The following COL23A1 variants were observed in gnomAD, a reference collection of about 807,000 sequenced individuals.
The protein encoded by COL23A1 is collagen type XXIII alpha 1 chain, also known as collagen alpha-1(XXIII) chain.
Under a neutral mutation model 99.3 loss-of-function variants are expected in COL23A1, and 97 were observed. The ratio of observed to expected loss-of-function variants is 0.98; its 90% CI spans 0.83 to 1.16. The LOEUF is 1.16. Ranked by LOEUF, COL23A1 falls within the 50% of genes most tolerant of loss-of-function variation. The probability of loss-of-function intolerance (pLI) is 0.00; values close to 1 mark genes in which losing one functional copy is unlikely to be tolerated. For missense variants in COL23A1, 762 were observed against 757.4 expected, an observed-to-expected ratio of 1.01 and a Z score of -0.07; for synonymous variants, 320 against 308.2, an observed-to-expected ratio of 1.04 and a Z score of -0.40.
chr5:178,482,909 A>C (rs1233166181), intron 2 of COL23A1, among the ~76,000 whole-genome samples: 1 of 152,004 alleles, frequency 6.6e-6, no homozygotes, highest in Non-Finnish European at 1.5e-5. Flanking sequence ...CTCAAAAAAA[A>C]AAGAAAAAAG....
chr5:178,426,842 G>T (rs1765965726), intron 2 of COL23A1, among the ~76,000 whole-genome samples: 1 of 152,222 alleles, frequency 6.6e-6, no homozygotes, highest in Non-Finnish European at 1.5e-5. Flanking sequence ...GAACATAGAT[G>T]ATGGCAAATA....
At chr5:178,352,104 T>G (rs1426203412) in intron 2 of COL23A1, 2 of 152,256 alleles carry the variant, frequency 1.3e-5, no homozygotes, top group African/African-American at 4.8e-5. Flanking sequence ...GGCCCTAAGC[T>G]AGATACTTTC....
intron 2 of COL23A1, among the ~76,000 whole-genome samples, chr5:178,328,205 T>A (rs544628057): frequency 1.8e-4 from 27 of 152,276 alleles, no homozygotes; most frequent in African/African-American, 6.3e-4. Context: ...CTTCCTGCCA[T>A]CCACTCCCAC....
chr5:178,497,208 C>T (rs1562024514), intron 2 of COL23A1, among the ~76,000 whole-genome samples: 1 of 152,158 alleles, frequency 6.6e-6, no homozygotes, highest in Non-Finnish European at 1.5e-5. Flanking sequence ...CTGTGCAGTG[C>T]CAGAGCAGCA....
At chr5:178,531,962 G>A (rs1581579754) in intron 2 of COL23A1, among the ~76,000 whole-genome samples, 3 of 152,344 alleles carry the variant, frequency 2.0e-5, no homozygotes, top group Admixed American at 2.0e-4. Flanking sequence ...TCAGAAGGGT[G>A]AGACATGACA....
At chr5:178,447,825 A>G (rs1282260934) in intron 2 of COL23A1, among the ~76,000 whole-genome samples, 1 of 152,204 alleles carries the variant, frequency 6.6e-6, no homozygotes, top group African/African-American at 2.4e-5. Context: ...TAAGGCTGGT[A>G]GAGTACTGCC....
chr5:178,579,674 G>A (rs566469565), intron 1 of COL23A1, among the ~76,000 whole-genome samples: 4 of 152,128 alleles, frequency 2.6e-5, no homozygotes, highest in East Asian at 1.9e-4. Context: ...GGCTGGTCTC[G>A]AACTCTTGAC....
intron 10 of COL23A1, 75 bp downstream of exon 10, chr5:178,262,142 T>C: frequency 6.9e-7 from 1 of 1,454,572 alleles, no homozygotes; most frequent in Non-Finnish European, 9.4e-7. Context: ...TGTCGGCGTG[T>C]GTGGGAAAGG....
intron 2 of COL23A1, among the ~76,000 whole-genome samples, chr5:178,485,078 T>A (rs959310661): frequency 2.0e-5 from 3 of 152,198 alleles, no homozygotes; most frequent in African/African-American, 7.2e-5. Context: ...TGTGTAAAAA[T>A]GTACTCCAAA....
At position 178,544,214 on chromosome 5, in the gene COL23A1, T is replaced by TCCTTCC. The variant is rs1761452970; in HGVS notation, c.361+16462_361+16467dup. On this transcript the variant is annotated intron_variant, in intron 2 of 28. Transcript: ENST00000390654. This position sits in a 1 kb window ranked among gnomAD's most constrained non-coding sequence, Gnocchi z 4.4. ...ACACAGTCCCCTCCCATGCAACCCT[T>TCCTTCC]CCTTCCCCTTCCCACCCCACCACCT... Among the ~76,000 whole-genome samples the TCCTTCC allele has an allele frequency of 6.6e-6, 1 of 151,990 alleles. No individual in the cohort carries two copies. Among genetic ancestry groups the TCCTTCC allele is most frequent in the African/African-American group, 2.4e-5 (1 of 41,374 alleles).
At chr5:178,443,939 C>A (rs774813191) in intron 2 of COL23A1, among the ~76,000 whole-genome samples, 2 of 152,090 alleles carry the variant, frequency 1.3e-5, no homozygotes, top group Non-Finnish European at 2.9e-5. Flanking sequence ...CAGAGGCTCA[C>A]GCCTGTAATC....
In COL23A1 at chr5:178,343,663, A is replaced by ATTTT. The variant is rs745537028; in HGVS notation, c.362-36748_362-36745dup. On this transcript the variant is annotated intron_variant, in intron 2 of 28. Coordinates refer to ENST00000390654, the MANE Select transcript of COL23A1 (RefSeq NM_173465.4). The stretch of plus-strand genomic sequence containing the variant: ...CTGAATTTTTCCATTATATATATAT[A>ATTTT]TTTTTTTTTTTTTTTGGAGACGGAG... Among the ~76,000 whole-genome samples the ATTTT allele has an allele frequency of 9.4e-3, 1,257 of 134,348 alleles. 8 individuals are homozygous for ATTTT. Among genetic ancestry groups the ATTTT allele is most frequent in the Middle Eastern group, 0.043 (11 of 254 alleles). 88.1% of individuals were successfully genotyped at this position (134,348 alleles called of 152,430 possible).
chr5:178,404,151 A>G (rs1473130809), intron 2 of COL23A1, among the ~76,000 whole-genome samples: 1 of 152,210 alleles, frequency 6.6e-6, no homozygotes, highest in Non-Finnish European at 1.5e-5. Context: ...CGGAGCGCCT[A>G]CTGTGTGCAG....
At chr5:178,535,736 C>T (rs185501206) in intron 2 of COL23A1, among the ~76,000 whole-genome samples, 2 of 152,378 alleles carry the variant, frequency 1.3e-5, no homozygotes, top group Admixed American at 1.3e-4. Flanking sequence ...GTGCCCAGCA[C>T]GAAGTGCACA....
chr5:178,559,474 C>T (rs1487286528), intron 2 of COL23A1, among the ~76,000 whole-genome samples: 1 of 151,352 alleles, frequency 6.6e-6, no homozygotes, highest in African/African-American at 2.4e-5. Flanking sequence ...AAGTCTGAGA[C>T]ACATCACCCA....
At chr5:178,417,932 G>A (rs1000584597) in intron 2 of COL23A1, among the ~76,000 whole-genome samples, 2 of 152,186 alleles carry the variant, frequency 1.3e-5, no homozygotes, top group Non-Finnish European at 2.9e-5. Context: ...TTATTTATTC[G>A]GGTTTGTTTT....
At chr5:178,456,790 T>A (rs1049831481) in intron 2 of COL23A1, among the ~76,000 whole-genome samples, 1 of 151,862 alleles carries the variant, frequency 6.6e-6, no homozygotes, top group Non-Finnish European at 1.5e-5. Flanking sequence ...GTGAGAAAAA[T>A]TTTTGCAACA....
Position 178,257,938 on chromosome 5 carries a change from C to A in COL23A1, c.730-371G>T, listed in dbSNP as rs547154099. ...CGAGGTTGGCTGGCACTGTGGCTCA[C>A]GCCTTAATCCCAGCACTCTGGTAGG... On this transcript the variant is annotated intron_variant, in intron 12 of 28. Coordinates refer to ENST00000390654, the MANE Select transcript of COL23A1 (RefSeq NM_173465.4). 5.3e-5 allele frequency among the ~76,000 whole-genome samples: 8 copies of A among 152,342 alleles called. No individual in the cohort carries two copies. The East Asian group carries it at 1.4e-3, about 26-fold the overall frequency.
chr5:178,508,834 G>A (rs1759030191), intron 2 of COL23A1, among the ~76,000 whole-genome samples: 1 of 152,126 alleles, frequency 6.6e-6, no homozygotes, highest in Admixed American at 6.5e-5. Flanking sequence ...GTCATTCCTT[G>A]TGTCCCAGGG....
Sources: allele counts gnomAD v4.1 joint callset (sites outside exome capture counted in the v4.1 genomes callset), GRCh38; gene constraint gnomAD v4.1.1; non-coding constraint Gnocchi (gnomAD v3.1); transcripts MANE v1.5; gene names NCBI Gene and HGNC (gene_info 2026-07-23, HGNC 2026-07-21).